DZANK1: variants seen among roughly 807,000 people sequenced by gnomAD.
The protein encoded by DZANK1 is double zinc ribbon and ankyrin repeat-containing protein 1.
In DZANK1, 91 loss-of-function variants were observed where a neutral mutation model predicts 94.5. That is an observed-to-expected ratio of 0.96 (90% CI 0.81 to 1.15). The LOEUF (loss-of-function observed/expected upper bound fraction) is 1.15. Among genes scored for constraint, DZANK1 ranks in the 50% most tolerant of loss-of-function variants. The pLI is 0.00. For missense variants in DZANK1, 903 were observed against 916.4 expected, an observed-to-expected ratio of 0.99 and a Z score of 0.19; for synonymous variants, 312 against 325.3, an observed-to-expected ratio of 0.96 and a Z score of 0.44.
At chr20:18,430,183 G>T (rs2058226863) in intron 9 of DZANK1, among the ~76,000 whole-genome samples, 1 of 152,182 alleles carries the variant, frequency 6.6e-6, no homozygotes, top group Admixed American at 6.5e-5. Context: ...AAACTAGTAG[G>T]TCATTGCAAA....
intron 7 of DZANK1, among the ~76,000 whole-genome samples, chr20:18,448,591 G>A (rs151095772): frequency 3.9e-4 from 60 of 152,180 alleles, no homozygotes; most frequent in African/African-American, 1.2e-3. Context: ...AGTTGGGGCC[G>A]GGTGTGGTGG....
At chr20:18,423,765 T>C (rs1213319752) in intron 10 of DZANK1, among the ~76,000 whole-genome samples, 1 of 152,134 alleles carries the variant, frequency 6.6e-6, no homozygotes, top group Non-Finnish European at 1.5e-5. Context: ...TTAAACTGAA[T>C]TATAATGAAA....
At chr20:18,453,189 T>G (rs952544670) in intron 5 of DZANK1, among the ~76,000 whole-genome samples, 1 of 152,178 alleles carries the variant, frequency 6.6e-6, no homozygotes, top group African/African-American at 2.4e-5. Flanking sequence ...AACATTCAAC[T>G]CTTGCCTGGG....
At chr20:18,399,478 C>T (rs1335857663) in intron 13 of DZANK1, among the ~76,000 whole-genome samples, 2 of 152,148 alleles carry the variant, frequency 1.3e-5, no homozygotes, top group Non-Finnish European at 2.9e-5. Flanking sequence ...GATCTGCTTG[C>T]TTTAGCCTCC....
chr20:18,394,282 C>T, exon 16 of DZANK1: 1 of 1,613,726 alleles, frequency 6.2e-7, no homozygotes, highest in Non-Finnish European at 8.5e-7. Flanking sequence ...CGCACAGCCC[C>T]CCATCACCCT....
At chr20:18,438,429 T>G (rs114409178) in intron 8 of DZANK1, among the ~76,000 whole-genome samples, 111 of 152,226 alleles carry the variant, frequency 7.3e-4, no homozygotes, top group African/African-American at 2.6e-3. Context: ...TCCAACTACA[T>G]GCTGTCTACT....
At chr20:18,386,040 A>AG (rs11372114) in intron 19 of DZANK1, among the ~76,000 whole-genome samples, 4,147 of 152,224 alleles carry the variant, frequency 0.027, 91 homozygotes, top group African/African-American at 0.057. Context: ...AGTAGAAATG[A>AG]ATAGGCATTG....
rs138242734 is a variant in DZANK1, at chr20:18,388,795, T to C, written c.2018+906A>G. Reference sequence around the variant, plus strand: ...AAAATGCAGACATTAGTAAAATGCATATAGAAAAATTAACAGGATTATATT... The same window carrying C: ...AAAATGCAGACATTAGTAAAATGCACATAGAAAAATTAACAGGATTATATT... On this transcript the variant is annotated intron_variant, in intron 19 of 20. Transcript: ENST00000262547. Among the ~76,000 whole-genome samples the C allele has an allele frequency of 3.9e-3, 600 of 152,262 alleles. 3 individuals are homozygous for C. The highest frequency in any genetic ancestry group is 7.2e-3 in the African/African-American group (299 of 41,556).
intron 6 of DZANK1, among the ~76,000 whole-genome samples, chr20:18,451,213 G>A (rs1340876853): frequency 1.3e-5 from 2 of 152,180 alleles, no homozygotes; most frequent in African/African-American, 4.8e-5. Context: ...CAGTGTGTTG[G>A]GATTACAGGC....
At chr20:18,409,595 C>A (rs2057139281) in intron 13 of DZANK1, among the ~76,000 whole-genome samples, 1 of 150,280 alleles carries the variant, frequency 6.7e-6, no homozygotes, top group Admixed American at 6.6e-5. Context: ...ACCACCACCA[C>A]CATCACCACC....
At chr20:18,449,755 CAAAA>C (rs55784090) in intron 6 of DZANK1, among the ~76,000 whole-genome samples, 5 of 99,044 alleles carry the variant, frequency 5.0e-5, no homozygotes, top group African/African-American at 8.4e-5. Flanking sequence ...GACTCTGTCT[CAAAA>C]AAAAAAAAAA....
intron 5 of DZANK1, 106 bp downstream of exon 5, chr20:18,453,625 C>A: frequency 1.3e-6 from 1 of 783,186 alleles, no homozygotes; most frequent in South Asian, 1.6e-5. Context: ...CCCAGTGTTT[C>A]TTATTCCAAC....
At chr20:18,384,925 C>A (rs1344231283) in intron 20 of DZANK1, 91 bp downstream of exon 20, 2 of 1,285,970 alleles carry the variant, frequency 1.6e-6, no homozygotes, top group Admixed American at 2.1e-5. Context: ...GACAGCAGTT[C>A]AGGAACCAAG....
rs368659635 is a variant in DZANK1 at position 18,460,211 on chromosome 20, T to C, written c.205A>G (p.Ile69Val). The C allele has an allele frequency of 1.9e-5, 31 of 1,593,358 alleles. No homozygotes were observed. The African/African-American group carries it at 2.7e-4, about 14-fold the overall frequency. ...CCATCAGGCAGAGTAATAGGTTTTA[T>C]ATACTTAAATGTGTTATTTTCCCCA... The change falls in exon 3 of 21, where the codon ATA becomes GTA. Residue 69 changes from isoleucine (I) to valine (V), a missense_variant. Ile to Val is a conservative substitution (Grantham distance 29). Transcript: ENST00000262547.
chr20:18,408,568 T>G (rs1034727078), intron 13 of DZANK1, among the ~76,000 whole-genome samples: 6 of 152,174 alleles, frequency 3.9e-5, no homozygotes, highest in African/African-American at 1.4e-4. Context: ...GTAGCAGGCT[T>G]TTCAGCAGAA....
At chr20:18,439,772 A>G (rs1311376667) in intron 8 of DZANK1, among the ~76,000 whole-genome samples, 1 of 152,184 alleles carries the variant, frequency 6.6e-6, no homozygotes, top group African/African-American at 2.4e-5. Context: ...TTCTTGTGAA[A>G]CATAGGTAAG....
chr20:18,452,837 ACT>A, intron 5 of DZANK1, 98 bp from the exon 6 acceptor site: 1 of 1,216,992 alleles, frequency 8.2e-7, no homozygotes, highest in Non-Finnish European at 1.1e-6. Flanking sequence ...ATAAAGAACC[ACT>A]GTCACCACAT....
At chr20:18,387,262 G>T (rs1212598686) in intron 19 of DZANK1, among the ~76,000 whole-genome samples, 3 of 152,050 alleles carry the variant, frequency 2.0e-5, no homozygotes, top group African/African-American at 7.2e-5. Flanking sequence ...TTGCATGGGG[G>T]GTTTGCTGGT....
intron 13 of DZANK1, among the ~76,000 whole-genome samples, 175 bp downstream of exon 13, chr20:18,412,471 C>G (rs923362447): frequency 1.3e-5 from 2 of 152,096 alleles, no homozygotes; most frequent in Non-Finnish European, 2.9e-5. Context: ...TAAGAAGGAG[C>G]TTACAGGAAG....
Sources: gnomAD v4.1 joint callset for allele counts (sites outside exome capture counted in the v4.1 genomes callset) on GRCh38, gnomAD v4.1.1 for gene constraint, MANE v1.5 for transcripts, NCBI Gene and HGNC (gene_info 2026-07-23, HGNC 2026-07-21) for gene names.